DSCAML1: variants seen among roughly 807,000 people sequenced by gnomAD.
DSCAML1 encodes DS cell adhesion molecule like 1.
Under a neutral mutation model 200.5 loss-of-function variants are expected in DSCAML1, and 38 were observed. The observed-to-expected ratio is 0.19, with a 90% CI of 0.15 to 0.25. DSCAML1 has a LOEUF of 0.25. DSCAML1 is among the 10% of genes least tolerant of loss of function. The pLI is 1.00. For missense variants in DSCAML1, 2,223 were observed against 2,858.8 expected, an observed-to-expected ratio of 0.78 and a Z score of 5.07; for synonymous variants, 1,215 against 1,165.0, an observed-to-expected ratio of 1.04 and a Z score of -0.87.
At chr11:117,455,545 A>G (rs995157520) in intron 19 of DSCAML1, among the ~76,000 whole-genome samples, 5 of 152,220 alleles carry the variant, frequency 3.3e-5, no homozygotes, top group African/African-American at 9.6e-5. Flanking sequence ...GGTCCAGCCA[A>G]GCCAGCCTGA....
In DSCAML1 at chr11:117,547,163, G is replaced by A. The variant is rs987599227; in HGVS notation, c.512-14641C>T. On this transcript the variant is annotated intron_variant, in intron 3 of 32. Coordinates refer to ENST00000651296, the MANE Select transcript of DSCAML1 (RefSeq NM_020693.4). The stretch of plus-strand genomic sequence containing the variant: ...GCCTCTTTATTCCCGGCCCTCGTCC[G>A]CTGCACATGGCAGAGCCCAGCCGGG... 3.3e-5 allele frequency among the ~76,000 whole-genome samples: 5 copies of A among 152,070 alleles called. No homozygotes were observed. In the South Asian group the frequency reaches 6.2e-4, roughly 19 times the overall value.
intron 11 of DSCAML1, among the ~76,000 whole-genome samples, chr11:117,492,964 G>T (rs2049216409): frequency 6.6e-6 from 1 of 152,226 alleles, no homozygotes; most frequent in Non-Finnish European, 1.5e-5. Flanking sequence ...TTGCATGGAA[G>T]CAATCAGCTT....
intron 3 of DSCAML1, among the ~76,000 whole-genome samples, chr11:117,566,567 T>A (rs1299433301): frequency 2.0e-5 from 3 of 151,656 alleles, no homozygotes; most frequent in African/African-American, 7.3e-5. Context: ...TTTTTTTGTT[T>A]GTTTTATTTA....
At chr11:117,559,382 T>C (rs770694841) in intron 3 of DSCAML1, among the ~76,000 whole-genome samples, 3 of 152,192 alleles carry the variant, frequency 2.0e-5, no homozygotes, top group Non-Finnish European at 2.9e-5. Flanking sequence ...CTCACTTTCG[T>C]AACCAACTGC....
At chr11:117,587,016 A>G (rs1293456011) in intron 3 of DSCAML1, among the ~76,000 whole-genome samples, 2 of 152,120 alleles carry the variant, frequency 1.3e-5, no homozygotes, top group African/African-American at 4.8e-5. Flanking sequence ...GGACAGACAT[A>G]CCAACACGTC....
At chr11:117,693,108 T>G (rs1420149849) in intron 3 of DSCAML1, among the ~76,000 whole-genome samples, 1 of 152,192 alleles carries the variant, frequency 6.6e-6, no homozygotes, top group Non-Finnish European at 1.5e-5. Context: ...GAATCTAACT[T>G]TAATTCAGCT....
chr11:117,482,038 G>A lies in DSCAML1; in HGVS notation c.2484C>T (p.Val828=). ...ACCGCATGACGCGGTCAGGGTCGAT[G>A]ACTGTGTCCCCCTTCTCCCAGCGGA... The part of the protein sequence containing the change: ...IIIRWEKGDT[V]IDPDRVMRYA... Residue 828 remains valine, a synonymous_variant, in exon 12 of 33, where the codon GTC becomes GTT. Coordinates refer to ENST00000651296, the MANE Select transcript of DSCAML1 (RefSeq NM_020693.4). 1 of 1,614,202 alleles carries A rather than the reference G, an allele frequency of 6.2e-7. No individual in the cohort carries two copies. Among genetic ancestry groups the A allele is most frequent in the East Asian group, 2.2e-5 (1 of 44,884 alleles).
chr11:117,722,659 T>C (rs1446645931), intron 3 of DSCAML1, among the ~76,000 whole-genome samples: 2 of 152,166 alleles, frequency 1.3e-5, no homozygotes, highest in Non-Finnish European at 1.5e-5. Flanking sequence ...TATACAATTG[T>C]ATGGCAACTA....
chr11:117,441,993 T>A (rs1016686027), intron 21 of DSCAML1, among the ~76,000 whole-genome samples: 2 of 150,780 alleles, frequency 1.3e-5, no homozygotes, highest in African/African-American at 4.9e-5. Context: ...TGTGTGTGTA[T>A]GTGTGGGTGT....
At chr11:117,579,169 C>T (rs1382801618) in intron 3 of DSCAML1, among the ~76,000 whole-genome samples, 2 of 152,202 alleles carry the variant, frequency 1.3e-5, no homozygotes, top group East Asian at 3.8e-4. Flanking sequence ...CCAATGTTCT[C>T]TCTGCTTCCA....
At chr11:117,792,089 G>C (rs1331301771) in intron 1 of DSCAML1, among the ~76,000 whole-genome samples, 2 of 152,126 alleles carry the variant, frequency 1.3e-5, no homozygotes, top group African/African-American at 4.8e-5. Flanking sequence ...TATGAAATTG[G>C]ATAATGAATA....
In DSCAML1 at chr11:117,780,653, G is replaced by A. The variant is rs747183675; in HGVS notation, c.204C>T (p.Tyr68=). The A allele has an allele frequency of 3.2e-5, 51 of 1,590,698 alleles. No individual in the cohort carries two copies. The Admixed American group carries it at 7.6e-4, about 24-fold the overall frequency. The part of the protein sequence containing the change: ...RWYLATGDDI[Y]DVPHIRHVHA... ...GGACGTGCCGGATGTGCGGCACGTC[G>A]TAGATGTCGTCCCCTGTGGCCAGGT... The change falls in exon 2 of 33, where the codon TAC becomes TAT. Residue 68 remains tyrosine (Y), a synonymous_variant. Transcript: ENST00000651296. The surrounding 1 kb of genome is among the most constrained non-coding windows in gnomAD (Gnocchi z 4.8).
chr11:117,623,214 T>TTA (rs1278457423), intron 3 of DSCAML1, among the ~76,000 whole-genome samples: 1 of 89,034 alleles, frequency 1.1e-5, no homozygotes, highest in East Asian at 2.9e-4. Context: ...TTCTTTTCTT[T>TTA]TCTTTTTTTT....
intron 3 of DSCAML1, among the ~76,000 whole-genome samples, chr11:117,710,587 T>C (rs2053829643): frequency 1.3e-5 from 2 of 152,216 alleles, no homozygotes; most frequent in South Asian, 4.1e-4. Context: ...TTACAACCTG[T>C]GTTTCTGTGT....
chr11:117,694,692 C>T (rs140740857), intron 3 of DSCAML1, among the ~76,000 whole-genome samples: 10 of 152,256 alleles, frequency 6.6e-5, no homozygotes, highest in South Asian at 2.1e-4. Flanking sequence ...CTAAGTGGCA[C>T]GTTGGTGGCT....
In DSCAML1 at chr11:117,458,735, A is replaced by G. The variant is rs770278504; in HGVS notation, c.3568+19T>C. 4 of 1,610,074 alleles carry G rather than the reference A, an allele frequency of 2.5e-6. No homozygotes were observed. In the South Asian group the frequency reaches 3.3e-5, roughly 13 times the overall value. On this transcript the variant is annotated intron_variant, in intron 19 of 32. Transcript: ENST00000651296. ...TGGGTGGCAGGGCCAGCCTGTCCCA[A>G]GGAGAGGCCTGGACTCACCGTCCTC...
At chr11:117,659,821 C>A (rs1196625728) in intron 3 of DSCAML1, among the ~76,000 whole-genome samples, 1 of 152,080 alleles carries the variant, frequency 6.6e-6, no homozygotes, top group Non-Finnish European at 1.5e-5. Context: ...TGGGTTCAAG[C>A]GATTCTCCCA....
intron 3 of DSCAML1, among the ~76,000 whole-genome samples, chr11:117,704,695 A>G (rs899092899): frequency 4.6e-5 from 7 of 152,194 alleles, no homozygotes; most frequent in Non-Finnish European, 7.3e-5. Context: ...CGCTCCAGCC[A>G]AAGGGAAAAG....
chr11:117,782,789 T>C (rs944307892), intron 1 of DSCAML1, among the ~76,000 whole-genome samples: 7 of 152,114 alleles, frequency 4.6e-5, no homozygotes, highest in African/African-American at 1.7e-4. Context: ...GGACTTTACT[T>C]ATATGACTTC....
Sources: allele counts gnomAD v4.1 joint callset (sites outside exome capture counted in the v4.1 genomes callset), GRCh38; gene constraint gnomAD v4.1.1; non-coding constraint Gnocchi (gnomAD v3.1); transcripts MANE v1.5; gene names NCBI Gene and HGNC (gene_info 2026-07-23, HGNC 2026-07-21).